The following MAP2K1 variants were observed in gnomAD, a reference collection of about 807,000 sequenced individuals.
MAP2K1 encodes the protein mitogen-activated protein kinase kinase 1, also known as dual specificity mitogen-activated protein kinase kinase 1.
In MAP2K1, 16 loss-of-function variants were observed where a neutral mutation model predicts 46.3. The ratio of observed to expected loss-of-function variants is 0.35; its 90% CI spans 0.23 to 0.52. MAP2K1 has a LOEUF of 0.52. Among genes scored for constraint, MAP2K1 ranks in the 20% least tolerant of loss-of-function variants. MAP2K1 has a pLI of 0.94. For missense variants in MAP2K1, 263 were observed against 497.1 expected (o/e 0.53, Z 4.48); for synonymous variants, 183 against 185.6 (o/e 0.99, Z 0.11).
chr15:66,460,579 G>A (rs1892292311), intron 5 of MAP2K1, among the ~76,000 whole-genome samples: 1 of 152,192 alleles, frequency 6.6e-6, no homozygotes, highest in South Asian at 2.1e-4. Flanking sequence ...GAAGCAGTGA[G>A]GAGGGTCTTC....
At chr15:66,485,876 G>A (rs1893027033) in intron 7 of MAP2K1, among the ~76,000 whole-genome samples, 2 of 152,024 alleles carry the variant, frequency 1.3e-5, no homozygotes, top group Admixed American at 6.6e-5. Flanking sequence ...CACCATGACT[G>A]GCTTCTAATT....
At chr15:66,467,366 A>C (rs1892493870) in intron 5 of MAP2K1, among the ~76,000 whole-genome samples, 1 of 152,204 alleles carries the variant, frequency 6.6e-6, no homozygotes, top group Non-Finnish European at 1.5e-5. Context: ...AGACAGAACT[A>C]ACTTTGGGAG....
chr15:66,491,399 C>A lies in MAP2K1; in HGVS notation c.*784C>A. The A allele has an allele frequency of 4.3e-6, 1 of 231,082 alleles. No individual in the cohort carries two copies. Among genetic ancestry groups the A allele is most frequent in the Non-Finnish European group, 8.6e-6 (1 of 116,708 alleles). 14.3% of individuals were successfully genotyped at this position (231,082 alleles called of 1,614,324 possible). A position where few individuals can be genotyped will look rare whatever the true frequency, so the allele number is the denominator to read the frequency against. The stretch of plus-strand genomic sequence containing the variant: ...TGTCGGATTTATCTTTCCCCATATC[C>A]AAGTACCAATGCTGTTGTAAACAAC... On this transcript the variant is annotated 3_prime_UTR_variant, in exon 11 of 11. Coordinates refer to ENST00000307102, the MANE Select transcript of MAP2K1 (RefSeq NM_002755.4).
chr15:66,439,778 T>A (rs2093498492), intron 3 of MAP2K1, among the ~76,000 whole-genome samples: 1 of 148,592 alleles, frequency 6.7e-6, no homozygotes, highest in Non-Finnish European at 1.5e-5. Context: ...AAAAAAAAAA[T>A]TACAAAAATT....
chr15:66,473,816 T>A (rs1461067137), intron 5 of MAP2K1, among the ~76,000 whole-genome samples: 1 of 152,182 alleles, frequency 6.6e-6, no homozygotes, highest in Non-Finnish European at 1.5e-5. Context: ...TAGCTGGGAC[T>A]ACCGGTGCAC....
At chr15:66,415,811 A>G (rs1437179221) in intron 1 of MAP2K1, among the ~76,000 whole-genome samples, 4 of 152,260 alleles carry the variant, frequency 2.6e-5, no homozygotes, top group Non-Finnish European at 5.9e-5. Context: ...ATGTATTTCA[A>G]AGAAATCTAG....
rs569434848 is a variant in MAP2K1, at chr15:66,414,158, C to G, written c.81-20869C>G. ...CTTTTCCAAAAAATAGATTTATAAT[C>G]CTCTTGTCGCCTGTGATGACCTCTC... On this transcript the variant is annotated intron_variant, in intron 1 of 10. Coordinates refer to ENST00000307102, the MANE Select transcript of MAP2K1 (RefSeq NM_002755.4). Among the ~76,000 whole-genome samples, 8 of 152,168 alleles carry G rather than the reference C, an allele frequency of 5.3e-5. No homozygotes were observed. In the South Asian group the frequency reaches 1.7e-3, roughly 32 times the overall value.
chr15:66,478,785 T>C (rs1892844505), intron 5 of MAP2K1, among the ~76,000 whole-genome samples: 2 of 152,016 alleles, frequency 1.3e-5, no homozygotes, highest in Non-Finnish European at 2.9e-5. Flanking sequence ...CTGGGTTTTA[T>C]ATTTTTCTTT....
intron 1 of MAP2K1, among the ~76,000 whole-genome samples, chr15:66,413,789 C>G (rs1490220203): frequency 6.6e-6 from 1 of 152,174 alleles, no homozygotes; most frequent in Non-Finnish European, 1.5e-5. Flanking sequence ...GCTATGGGAA[C>G]TCAAAGGGTG....
In MAP2K1 at chr15:66,491,438, A is replaced by C. The variant is rs1030374268; in HGVS notation, c.*823A>C. On this transcript the variant is annotated 3_prime_UTR_variant, in exon 11 of 11. Transcript: ENST00000307102. Reference sequence around the variant, plus strand: ...GTTGTAAACAACGTGTATAGTGCCTAAAATTGTATGAAAATCCTTTTAACC... The same window carrying C: ...GTTGTAAACAACGTGTATAGTGCCTCAAATTGTATGAAAATCCTTTTAACC... 1 of 226,338 alleles carries C rather than the reference A, an allele frequency of 4.4e-6. No individual in the cohort carries two copies. The highest frequency in any genetic ancestry group is 8.8e-6 in the Non-Finnish European group (1 of 113,842). 14.0% of individuals were successfully genotyped at this position (226,338 alleles called of 1,614,324 possible).
intron 1 of MAP2K1, among the ~76,000 whole-genome samples, chr15:66,393,126 C>T (rs1049022345): frequency 1.3e-5 from 2 of 151,806 alleles, no homozygotes; most frequent in Admixed American, 6.6e-5. Flanking sequence ...ATTGCTGGGT[C>T]TTAGGGTACA....
chr15:66,396,089 C>G lies in MAP2K1; in HGVS notation c.80+8662C>G, dbSNP rs375490151. Among the ~76,000 whole-genome samples, 3 of 152,208 alleles carry G rather than the reference C, an allele frequency of 2.0e-5. No homozygotes were observed. The East Asian group carries it at 5.8e-4, about 29-fold the overall frequency. On this transcript the variant is annotated intron_variant, in intron 1 of 10. Transcript: ENST00000307102. The stretch of plus-strand genomic sequence containing the variant: ...TGGCGCGATCTCGCCTCAGTGCAAC[C>G]TATGCCTCCCGGGTTCAAGCGATTC...
chr15:66,458,808 C>T (rs1043682774), intron 5 of MAP2K1, among the ~76,000 whole-genome samples: 1 of 152,196 alleles, frequency 6.6e-6, no homozygotes, highest in African/African-American at 2.4e-5. Flanking sequence ...GTGTGATCCA[C>T]TGTGCTTAGC....
intron 1 of MAP2K1, among the ~76,000 whole-genome samples, chr15:66,388,084 A>G (rs957070348): frequency 2.0e-5 from 3 of 152,230 alleles, no homozygotes; most frequent in Middle Eastern, 6.8e-3. Context: ...CCATTTTCTC[A>G]CTAATGATTT....
chr15:66,444,605 A>G lies in MAP2K1; in HGVS notation c.517-51A>G, dbSNP rs924850867. The G allele has an allele frequency of 3.3e-5, 41 of 1,243,908 alleles. No individual in the cohort carries two copies. In the Middle Eastern group the frequency reaches 3.6e-3, roughly 108 times the overall value. 77.1% of individuals were successfully genotyped at this position (1,243,908 alleles called of 1,614,324 possible). A position where few individuals can be genotyped will look rare whatever the true frequency, so the allele number is the denominator to read the frequency against. Reference sequence around the variant, plus strand: ...TAGAGTATTTTAAAATAGATTGAGTATTTTTCTTATCACCAGTATTTTCTT... The same window carrying G: ...TAGAGTATTTTAAAATAGATTGAGTGTTTTTCTTATCACCAGTATTTTCTT... On this transcript the variant is annotated intron_variant, in intron 4 of 10. Transcript: ENST00000307102.
chr15:66,466,543 G>A (rs1233245879), intron 5 of MAP2K1, among the ~76,000 whole-genome samples: 1 of 152,054 alleles, frequency 6.6e-6, no homozygotes, highest in Non-Finnish European at 1.5e-5. Context: ...AGCTGGGCGT[G>A]GTGGTGTGTG....
At chr15:66,456,379 A>C (rs1468678161) in intron 5 of MAP2K1, among the ~76,000 whole-genome samples, 1 of 152,236 alleles carries the variant, frequency 6.6e-6, no homozygotes, top group Non-Finnish European at 1.5e-5. Context: ...TTGGTGTGGC[A>C]GAAACCCACC....
chr15:66,414,010 C>A lies in MAP2K1; in HGVS notation c.81-21017C>A, dbSNP rs191635427. Among the ~76,000 whole-genome samples the A allele has an allele frequency of 3.5e-5, 5 of 144,364 alleles. No individual in the cohort carries two copies. The East Asian group carries it at 6.2e-4, about 18-fold the overall frequency. 94.7% of individuals were successfully genotyped at this position (144,364 alleles called of 152,430 possible). On this transcript the variant is annotated intron_variant, in intron 1 of 10. Transcript: ENST00000307102. ...CTTTTGATATCCTCTGCATTCGTGG[C>A]TCTTATCATCATCTTAGACTTGTGA...
intron 1 of MAP2K1, among the ~76,000 whole-genome samples, chr15:66,428,640 C>G (rs2093466283): frequency 6.6e-6 from 1 of 152,072 alleles, no homozygotes; most frequent in South Asian, 2.1e-4. Flanking sequence ...CACAGAAACA[C>G]CATGGCCCAG....
Sources: gnomAD v4.1 joint callset for allele counts (sites outside exome capture counted in the v4.1 genomes callset) on GRCh38, gnomAD v4.1.1 for gene constraint, MANE v1.5 for transcripts, NCBI Gene and HGNC (gene_info 2026-07-23, HGNC 2026-07-21) for gene names.